ZNF780A: variants seen among roughly 807,000 people sequenced by gnomAD.
The protein encoded by ZNF780A is zinc finger protein 780A.
Under a neutral mutation model 56.7 loss-of-function variants are expected in ZNF780A, and 40 were observed. That is an observed-to-expected ratio of 0.71 (90% CI 0.55 to 0.92). The LOEUF is 0.92. ZNF780A is among the 40% of genes least tolerant of loss of function. The pLI, the probability that ZNF780A is intolerant of heterozygous loss-of-function variation, is 0.00. For missense variants in ZNF780A, 672 were observed against 783.3 expected, an observed-to-expected ratio of 0.86 and a Z score of 1.70; for synonymous variants, 231 against 248.3, an observed-to-expected ratio of 0.93 and a Z score of 0.66.
chr19:40,089,782 A>G (rs1317719410), intron 2 of ZNF780A, among the ~76,000 whole-genome samples: 1 of 152,134 alleles, frequency 6.6e-6, no homozygotes, highest in Non-Finnish European at 1.5e-5. Flanking sequence ...TCACTTTTCC[A>G]CTACCGAATG....
intron 4 of ZNF780A, among the ~76,000 whole-genome samples, chr19:40,082,796 A>C (rs926820133): frequency 4.6e-5 from 7 of 152,224 alleles, no homozygotes; most frequent in African/African-American, 1.7e-4. Flanking sequence ...TCTGAGATCA[A>C]ACATAATATG....
chr19:40,085,104 C>A, intron 2 of ZNF780A: 1 of 971,304 alleles, frequency 1.0e-6, no homozygotes, highest in Non-Finnish European at 1.2e-6. Flanking sequence ...TCTTGGGATA[C>A]CTATCTTGGC....
At chr19:40,078,746 A>C (rs1974300086) in intron 5 of ZNF780A, among the ~76,000 whole-genome samples, 1 of 152,204 alleles carries the variant, frequency 6.6e-6, no homozygotes, top group African/African-American at 2.4e-5. Context: ...AGGGCAGACC[A>C]GCTCTACAAG....
downstream of ZNF780A, chr19:40,069,412 A>G (rs1973744453): frequency 6.6e-6 from 1 of 152,194 alleles, no homozygotes; most frequent in Non-Finnish European, 1.5e-5. Context: ...AGAGGGCATT[A>G]ATTTATTCAT....
At chr19:40,071,123 T>C (rs780860537), downstream of ZNF780A, 1 of 152,146 alleles carries the variant, frequency 6.6e-6, no homozygotes, top group African/African-American at 2.4e-5. Flanking sequence ...AATTAAGTAG[T>C]CTATCAAAAG....
At chr19:40,088,503 TAAC>T (rs776319216) in intron 2 of ZNF780A, among the ~76,000 whole-genome samples, 1 of 152,102 alleles carries the variant, frequency 6.6e-6, no homozygotes, top group Non-Finnish European at 1.5e-5. Flanking sequence ...AGACAAATGT[TAAC>T]AAGTATTGGC....
rs1973923970 is a variant in ZNF780A at position 40,073,729 on chromosome 19, CA to C, written c.*786del. 2 of 985,870 alleles carry C rather than the reference CA, an allele frequency of 2.0e-6. No individual in the cohort carries two copies. Among genetic ancestry groups the C allele is most frequent in the African/African-American group, 3.5e-5 (2 of 57,344 alleles). 61.1% of individuals were successfully genotyped at this position (985,870 alleles called of 1,614,324 possible). A position where few individuals can be genotyped will look rare whatever the true frequency, so the allele number is the denominator to read the frequency against. ...CTCAGAAGTTGAGCAAATCCCAGGC[CA>C]TGATGAAAGTTCTTCACACATTCTT... On this transcript the variant is annotated 3_prime_UTR_variant, in exon 6 of 6. Coordinates refer to ENST00000683561, the MANE Select transcript of ZNF780A (RefSeq NM_001142578.2).
At chr19:40,085,945 C>T (rs1440983141) in intron 2 of ZNF780A, among the ~76,000 whole-genome samples, 3 of 151,026 alleles carry the variant, frequency 2.0e-5, no homozygotes, top group Admixed American at 6.6e-5. Context: ...CACACACACA[C>T]ACGTGTGTGT....
Position 40,074,557 on chromosome 19 carries a change from T to C in ZNF780A, c.1885A>G (p.Asn629Asp), listed in dbSNP as rs1568443152. 1 of 1,613,916 alleles carries C rather than the reference T, an allele frequency of 6.2e-7. No individual in the cohort carries two copies. The highest frequency in any genetic ancestry group is 8.5e-7 in the Non-Finnish European group (1 of 1,179,928). Residue 629 changes from asparagine to aspartate, a missense_variant, in exon 6 of 6, where the codon AAT (asparagine) becomes GAT (aspartate). Coordinates refer to ENST00000683561, the MANE Select transcript of ZNF780A (RefSeq NM_001142578.2). ...CCTGTGTGAATGTTCTTATGGCGAT[T>C]AAGCTGGGTGGGAAGACTAAAAACC... ...GKVFSLPTQL[N>D]RHKNIHTGEK...
At chr19:40,080,572 G>C (rs1236739279) in intron 5 of ZNF780A, among the ~76,000 whole-genome samples, 1 of 152,124 alleles carries the variant, frequency 6.6e-6, no homozygotes, top group Non-Finnish European at 1.5e-5. Flanking sequence ...ATTAATTAAG[G>C]AACAGAAAAC....
intron 5 of ZNF780A, among the ~76,000 whole-genome samples, chr19:40,081,352 G>C (rs1974461929): frequency 6.6e-6 from 1 of 152,024 alleles, no homozygotes; most frequent in Non-Finnish European, 1.5e-5. Context: ...GGCCAACATG[G>C]TGAAACCCCA....
chr19:40,089,431 G>T, intron 2 of ZNF780A: 1 of 668,880 alleles, frequency 1.5e-6, no homozygotes. Flanking sequence ...AGAGTCAAGG[G>T]GAATGACTTA....
At chr19:40,089,730 C>G (rs1268667073) in intron 2 of ZNF780A, among the ~76,000 whole-genome samples, 1 of 152,122 alleles carries the variant, frequency 6.6e-6, no homozygotes, top group Non-Finnish European at 1.5e-5. Flanking sequence ...CATGGACTCC[C>G]TGGAAAAATC....
chr19:40,089,283 A>G, intron 2 of ZNF780A: 1 of 1,420,276 alleles, frequency 7.0e-7, no homozygotes, highest in Admixed American at 2.6e-5. Context: ...GTTGCACATG[A>G]TAAATACATA....
At chr19:40,080,593 A>G (rs973086444) in intron 5 of ZNF780A, among the ~76,000 whole-genome samples, 1 of 152,184 alleles carries the variant, frequency 6.6e-6, no homozygotes, top group Non-Finnish European at 1.5e-5. Context: ...CAAATACTAC[A>G]TATTCTCACT....
chr19:40,074,088 T>C lies in ZNF780A; in HGVS notation c.*428A>G. The C allele has an allele frequency of 1.6e-6, 2 of 1,279,656 alleles. No homozygotes were observed. The highest frequency in any genetic ancestry group is 2.8e-5 in the Admixed American group (1 of 35,342). 79.3% of individuals were successfully genotyped at this position (1,279,656 alleles called of 1,614,324 possible). On this transcript the variant is annotated 3_prime_UTR_variant, in exon 6 of 6. Coordinates refer to ENST00000683561, the MANE Select transcript of ZNF780A (RefSeq NM_001142578.2). ...ACTAAATCTGAAAGTTTTCCCACACTCCTTACATTCATAGAGTTTCTCACC... is the reference window on the plus strand; with the variant it reads ...ACTAAATCTGAAAGTTTTCCCACACCCCTTACATTCATAGAGTTTCTCACC...
intron 3 of ZNF780A, among the ~76,000 whole-genome samples, chr19:40,084,099 T>C (rs1171002719): frequency 6.6e-6 from 1 of 151,168 alleles, no homozygotes; most frequent in Non-Finnish European, 1.5e-5. Flanking sequence ...AGAGATGGGG[T>C]TTCACCATGT....
chr19:40,084,659 A>G (rs1974679491), intron 3 of ZNF780A, 86 bp downstream of exon 3: 2 of 1,369,948 alleles, frequency 1.5e-6, no homozygotes, highest in Admixed American at 2.2e-5. Context: ...CGTGAATTCT[A>G]GGTACGAAGC....
At chr19:40,085,812 G>A (rs960168313) in intron 2 of ZNF780A, among the ~76,000 whole-genome samples, 5 of 151,954 alleles carry the variant, frequency 3.3e-5, no homozygotes, top group African/African-American at 7.3e-5. Context: ...CCCAGGAGGC[G>A]GAGGTTGCAG....
Sources: allele counts gnomAD v4.1 joint callset (sites outside exome capture counted in the v4.1 genomes callset), GRCh38; gene constraint gnomAD v4.1.1; transcripts MANE v1.5; gene names NCBI Gene and HGNC (gene_info 2026-07-23, HGNC 2026-07-21).